The following ASCC3 variants were observed in gnomAD, a reference collection of about 807,000 sequenced individuals.
ASCC3 encodes the protein activating signal cointegrator 1 complex subunit 3.
ASCC3 carries 158 observed loss-of-function variants against 256.3 expected under a neutral mutation model. The observed-to-expected ratio is 0.62, with a 90% CI of 0.54 to 0.70. The LOEUF (loss-of-function observed/expected upper bound fraction) is 0.70, where lower values mean the gene tolerates loss of function less well. Ranked by LOEUF, ASCC3 falls within the 30% of genes least tolerant of loss-of-function variation. The probability of loss-of-function intolerance (pLI) is 0.00; values close to 1 mark genes in which losing one functional copy is unlikely to be tolerated. For synonymous variants in ASCC3, 948 were observed against 883.4 expected, an observed-to-expected ratio of 1.07 and a Z score of -1.30; for missense variants, 2,259 against 2,626.0, an observed-to-expected ratio of 0.86 and a Z score of 3.05.
Position 100,629,068 on chromosome 6 carries a change from C to T in ASCC3, c.4322G>A (p.Arg1441Lys). 1 of 1,613,698 alleles carries T rather than the reference C, an allele frequency of 6.2e-7. No homozygotes were observed. The highest frequency in any genetic ancestry group is 8.5e-7 in the Non-Finnish European group (1 of 1,179,868). ...AATAGTGACTTGCTGAACATAGTTC[C>T]TATTTTGCCAGCTTCTGCTGACTCC... ...WDGVSRSWQNRNYVQQVTILI... is the reference protein window; with the variant it reads ...WDGVSRSWQNKNYVQQVTILI... The change falls in exon 27 of 42, where the codon AGG (arginine) becomes AAG (lysine). Residue 1441 changes from arginine to lysine, a missense_variant. This residue lies in a region of ASCC3 where 1,839 missense variants were observed against 2,206.7 expected (regional missense o/e 0.83). Transcript: ENST00000369162.
intron 33 of ASCC3, among the ~76,000 whole-genome samples, chr6:100,604,388 G>A (rs1772780429): frequency 1.3e-5 from 2 of 151,402 alleles, no homozygotes; most frequent in East Asian, 1.9e-4. Flanking sequence ...TTCTTTCTTT[G>A]AGTTTAATTC....
chr6:100,557,509 T>G (rs1278765619), intron 36 of ASCC3, among the ~76,000 whole-genome samples: 2 of 152,114 alleles, frequency 1.3e-5, no homozygotes, highest in Non-Finnish European at 2.9e-5. Flanking sequence ...TTGTCTCTAT[T>G]AAAATGATTT....
chr6:100,712,751 C>CTTTTT (rs58286754), intron 13 of ASCC3, among the ~76,000 whole-genome samples: 5 of 69,746 alleles, frequency 7.2e-5, no homozygotes, highest in Middle Eastern at 0.011. Flanking sequence ...CAATTATACT[C>CTTTTT]TTTTTTTTTT....
chr6:100,531,316 C>T (rs1774861377), intron 37 of ASCC3, among the ~76,000 whole-genome samples: 1 of 152,152 alleles, frequency 6.6e-6, no homozygotes, highest in Non-Finnish European at 1.5e-5. Context: ...GACCATCCTA[C>T]TTTATTCTCC....
intron 13 of ASCC3, among the ~76,000 whole-genome samples, chr6:100,686,582 T>TA (rs1371325010): frequency 6.6e-6 from 1 of 152,212 alleles, no homozygotes; most frequent in Admixed American, 6.5e-5. Flanking sequence ...AGTATTCCAT[T>TA]ACATAGAAAC....
intron 36 of ASCC3, among the ~76,000 whole-genome samples, chr6:100,578,684 T>G (rs1310375435): frequency 3.3e-5 from 5 of 152,132 alleles, no homozygotes; most frequent in Non-Finnish European, 5.9e-5. Context: ...GCATTTAGGT[T>G]GATTCCATAA....
chr6:100,705,252 C>T (rs17060978), intron 13 of ASCC3, among the ~76,000 whole-genome samples: 3 of 152,004 alleles, frequency 2.0e-5, no homozygotes, highest in Non-Finnish European at 4.4e-5. Context: ...CTGTTTTTAA[C>T]ACTTTTAAGG....
chr6:100,829,467 C>G (rs1005901792), intron 4 of ASCC3, among the ~76,000 whole-genome samples: 2 of 152,114 alleles, frequency 1.3e-5, no homozygotes, highest in Non-Finnish European at 2.9e-5. Context: ...TGGCGGGGCT[C>G]GCCAGCCGTT....
intron 8 of ASCC3, among the ~76,000 whole-genome samples, chr6:100,780,546 G>C (rs1296088616): frequency 6.6e-6 from 1 of 152,130 alleles, no homozygotes; most frequent in African/African-American, 2.4e-5. Flanking sequence ...TGAGGCTGCA[G>C]TGAGCCATGA....
Position 100,627,535 on chromosome 6 carries a change from T to C in ASCC3, c.4642+55A>G, listed in dbSNP as rs533137019. 14 of 1,605,730 alleles carry C rather than the reference T, an allele frequency of 8.7e-6. No homozygotes were observed. The African/African-American group carries it at 1.9e-4, about 21-fold the overall frequency. The stretch of plus-strand genomic sequence containing the variant: ...GAAACCAACACCAATTAGAAGATAT[T>C]TGATAGCTACCATAAACAATGGTTA... On this transcript the variant is annotated intron_variant, in intron 29 of 41. Transcript: ENST00000369162.
chr6:100,821,078 G>T (rs1771015899), intron 4 of ASCC3, among the ~76,000 whole-genome samples: 1 of 152,180 alleles, frequency 6.6e-6, no homozygotes, highest in Non-Finnish European at 1.5e-5. Context: ...CACCCAGGCT[G>T]GAGTACAGTG....
In ASCC3 at chr6:100,511,763, T is replaced by C. The variant is rs897832600; in HGVS notation, c.6285+946A>G. On this transcript the variant is annotated intron_variant, in intron 40 of 41. Coordinates refer to ENST00000369162, the MANE Select transcript of ASCC3 (RefSeq NM_006828.4). Reference sequence around the variant, plus strand: ...TCTGAAATGCCAGAGGCCAATCAGTTAATACTTACACTGACAGACTTTTTT... The same window carrying C: ...TCTGAAATGCCAGAGGCCAATCAGTCAATACTTACACTGACAGACTTTTTT... Among the ~76,000 whole-genome samples the C allele has an allele frequency of 3.9e-5, 6 of 152,126 alleles. No individual in the cohort carries two copies. The East Asian group carries it at 7.7e-4, about 20-fold the overall frequency.
rs145068251 is a variant in ASCC3 at position 100,737,943 on chromosome 6, T to C, written c.1738-12240A>G. Among the ~76,000 whole-genome samples the C allele has an allele frequency of 1.6e-3, 248 of 152,322 alleles. 9 individuals carry two copies. The East Asian group carries it at 0.045, about 28-fold the overall frequency. ...CTGACAGGCATGAGATGGTATCTCATTGTGGTTTTAATTTGCATTTATCTA... is the reference window on the plus strand; with the variant it reads ...CTGACAGGCATGAGATGGTATCTCACTGTGGTTTTAATTTGCATTTATCTA... On this transcript the variant is annotated intron_variant, in intron 10 of 41. Coordinates refer to ENST00000369162, the MANE Select transcript of ASCC3 (RefSeq NM_006828.4).
chr6:100,732,373 T>C (rs949143154), intron 10 of ASCC3, among the ~76,000 whole-genome samples: 2 of 152,120 alleles, frequency 1.3e-5, no homozygotes, highest in African/African-American at 4.8e-5. Context: ...TTGTTTGGGG[T>C]GTACTTTTGG....
intron 4 of ASCC3, 59 bp downstream of exon 4, chr6:100,848,089 A>G: frequency 6.8e-7 from 1 of 1,465,036 alleles, no homozygotes; most frequent in South Asian, 1.4e-5. Context: ...TGTTTAAAAA[A>G]CACTATTTCA....
At position 100,803,933 on chromosome 6, in the gene ASCC3, T is replaced by C. The variant is rs113727846; in HGVS notation, c.922+1827A>G. On this transcript the variant is annotated intron_variant, in intron 5 of 41. Transcript: ENST00000369162. ...TATACTTTTTTAAAATCCAAAACTA[T>C]TTGTAAGGCTGGCAAAAAACAGTGT... 3.3e-5 allele frequency among the ~76,000 whole-genome samples: 5 copies of C among 152,172 alleles called. 1 individual carries two copies. Among genetic ancestry groups the C allele is most frequent in the African/African-American group, 1.2e-4 (5 of 41,560 alleles).
chr6:100,607,686 C>A (rs1319877083), intron 30 of ASCC3, among the ~76,000 whole-genome samples: 1 of 151,662 alleles, frequency 6.6e-6, no homozygotes, highest in South Asian at 2.1e-4. Context: ...TATTATTCAT[C>A]CTATATGTAA....
At chr6:100,601,996 T>C in intron 33 of ASCC3, 61 bp from the exon 34 acceptor site, 6 of 1,561,914 alleles carry the variant, frequency 3.8e-6, no homozygotes, top group Non-Finnish European at 5.3e-6. Context: ...CACTGAAATT[T>C]ATCTCACATA....
At chr6:100,673,449 C>A (rs1021068408) in intron 14 of ASCC3, among the ~76,000 whole-genome samples, 1 of 151,838 alleles carries the variant, frequency 6.6e-6, no homozygotes. Flanking sequence ...GTCAAAACAG[C>A]ATGATTCCTT....
Sources: gnomAD v4.1 joint callset for allele counts (sites outside exome capture counted in the v4.1 genomes callset) on GRCh38, gnomAD v4.1.1 for gene constraint, gnomAD v4.1.1 regional missense constraint, MANE v1.5 for transcripts, NCBI Gene and HGNC (gene_info 2026-07-23, HGNC 2026-07-21) for gene names.